The following SLC39A10 variants were observed in gnomAD, a reference collection of about 807,000 sequenced individuals.
SLC39A10 encodes the protein zinc transporter ZIP10.
Under a neutral mutation model 65.1 loss-of-function variants are expected in SLC39A10, and 13 were observed. The observed-to-expected ratio is 0.20, with a 90% CI of 0.13 to 0.32. SLC39A10 has a LOEUF of 0.32. Ranked by LOEUF, SLC39A10 falls within the 10% of genes least tolerant of loss-of-function variation. The pLI is 1.00. For missense variants in SLC39A10, 831 were observed against 1,018.4 expected (o/e 0.82, Z 2.50); for synonymous variants, 321 against 342.2 (o/e 0.94, Z 0.68).
intron 6 of SLC39A10, 96 bp from the exon 7 acceptor site, chr2:195,716,541 A>G: frequency 1.1e-6 from 1 of 944,524 alleles, no homozygotes; most frequent in Non-Finnish European, 1.5e-6. Flanking sequence ...AAAGACATTC[A>G]CTTAAGAAAT....
At chr2:195,725,818 C>T (rs1025862394) in intron 8 of SLC39A10, among the ~76,000 whole-genome samples, 1 of 152,136 alleles carries the variant, frequency 6.6e-6, no homozygotes, top group Non-Finnish European at 1.5e-5. Context: ...ATGAGTCTTA[C>T]ATGCATTATT....
intron 5 of SLC39A10, 113 bp from the exon 6 acceptor site, chr2:195,713,320 A>G (rs1559045553): frequency 2.4e-5 from 20 of 838,822 alleles, no homozygotes; most frequent in Non-Finnish European, 3.0e-5. Context: ...AAAATAATTT[A>G]TATATAAAGT....
At chr2:195,663,617 A>T (rs1689503659) in intron 1 of SLC39A10, among the ~76,000 whole-genome samples, 1 of 152,108 alleles carries the variant, frequency 6.6e-6, no homozygotes, top group African/African-American at 2.4e-5. Context: ...AGAAAAGCAT[A>T]TCATATTTTC....
At chr2:195,615,262 A>C (rs191099895) in intron 2 of SLC39A10, among the ~76,000 whole-genome samples, 1 of 152,150 alleles carries the variant, frequency 6.6e-6, no homozygotes, top group African/African-American at 2.4e-5. Context: ...AGGCTTGGGA[A>C]TATGCATTTT....
rs369245702 is a variant in SLC39A10 at position 195,625,216 on chromosome 2, CAAAAAAAAA to C, written c.-12+18984_-12+18992del. On this transcript the variant is annotated intron_variant, in intron 2 of 2. Transcript: ENST00000458054. ...TGTGCGACAGAGGGACACTCTGTCT[CAAAAAAAAA>C]GAAAGAAAGAAAGAAAGAAAGATTT... Among the ~76,000 whole-genome samples, 29 of 108,636 alleles carry C rather than the reference CAAAAAAAAA, an allele frequency of 2.7e-4. No individual in the cohort carries two copies. In the East Asian group the frequency reaches 7.7e-3, roughly 29 times the overall value. The allele number at this position is 108,636 out of a possible 152,430, so 71.3% of individuals were successfully genotyped here.
intron 3 of SLC39A10, among the ~76,000 whole-genome samples, chr2:195,705,536 T>C (rs1347110552): frequency 6.6e-6 from 1 of 152,218 alleles, no homozygotes. Flanking sequence ...ATCTTTACTT[T>C]TCCTTGTTGT....
intron 3 of SLC39A10, among the ~76,000 whole-genome samples, chr2:195,687,696 G>A (rs1391902117): frequency 6.6e-6 from 1 of 152,070 alleles, no homozygotes; most frequent in Non-Finnish European, 1.5e-5. Flanking sequence ...CATTAAGAAA[G>A]GTTAACTTGT....
chr2:195,636,903 A>G (rs1039776976), intron 2 of SLC39A10, among the ~76,000 whole-genome samples: 4 of 152,180 alleles, frequency 2.6e-5, no homozygotes, highest in African/African-American at 9.7e-5. Flanking sequence ...TTTGAAGAGT[A>G]TAAAAGGGCC....
At chr2:195,628,309 C>T (rs1413933292) in intron 2 of SLC39A10, among the ~76,000 whole-genome samples, 1 of 152,188 alleles carries the variant, frequency 6.6e-6, no homozygotes, top group African/African-American at 2.4e-5. Flanking sequence ...TCTTTTGCTA[C>T]TTAATTTACT....
At chr2:195,662,375 C>G (rs535156055) in intron 1 of SLC39A10, among the ~76,000 whole-genome samples, 1 of 151,508 alleles carries the variant, frequency 6.6e-6, no homozygotes, top group African/African-American at 2.4e-5. Context: ...CTTGGGTCAT[C>G]CCCTTACCTC....
At chr2:195,661,949 T>C (rs1689418108) in intron 1 of SLC39A10, among the ~76,000 whole-genome samples, 1 of 152,254 alleles carries the variant, frequency 6.6e-6, no homozygotes, top group Admixed American at 6.5e-5. Context: ...TACTTATCCT[T>C]GTATTAATAT....
chr2:195,681,954 C>T (rs1362616677), intron 2 of SLC39A10, among the ~76,000 whole-genome samples: 1 of 152,086 alleles, frequency 6.6e-6, no homozygotes, highest in Non-Finnish European at 1.5e-5. Flanking sequence ...ATAAGGCCTA[C>T]TTACTCATGA....
chr2:195,646,091 G>A (rs972661761), intron 2 of SLC39A10, among the ~76,000 whole-genome samples: 4 of 151,940 alleles, frequency 2.6e-5, no homozygotes, highest in African/African-American at 2.4e-5. Flanking sequence ...GACTACAAGC[G>A]TGCACCACCA....
intron 1 of SLC39A10, among the ~76,000 whole-genome samples, chr2:195,669,553 A>G (rs1167035046): frequency 1.3e-5 from 2 of 152,256 alleles, no homozygotes; most frequent in African/African-American, 4.8e-5. Context: ...ACAATCTAAG[A>G]CAAAATATCT....
intron 3 of SLC39A10, among the ~76,000 whole-genome samples, chr2:195,696,842 G>A (rs893108550): frequency 6.6e-6 from 1 of 152,118 alleles, no homozygotes; most frequent in Non-Finnish European, 1.5e-5. Flanking sequence ...ATTATTAATT[G>A]TAAGGATATG....
chr2:195,679,173 T>G (rs1690210165), intron 1 of SLC39A10, among the ~76,000 whole-genome samples: 1 of 152,242 alleles, frequency 6.6e-6, no homozygotes, highest in Non-Finnish European at 1.5e-5. Context: ...TGGACAGTTC[T>G]GGACACTTTA....
intron 4 of SLC39A10, 92 bp from the exon 5 acceptor site, chr2:195,708,564 T>G: frequency 1.1e-6 from 1 of 950,494 alleles, no homozygotes. Flanking sequence ...ATTTTTTCTG[T>G]GTCATTTAGG....
intron 1 of SLC39A10, 135 bp from the exon 2 acceptor site, chr2:195,679,897 G>T: frequency 4.8e-6 from 3 of 621,506 alleles, no homozygotes; most frequent in South Asian, 3.2e-5. Context: ...CTTTTCTCTG[G>T]TTCTTAACAT....
intron 2 of SLC39A10, among the ~76,000 whole-genome samples, chr2:195,640,613 T>G (rs547203127): frequency 6.6e-6 from 1 of 152,308 alleles, no homozygotes; most frequent in East Asian, 1.9e-4. Context: ...AGAAAATGAT[T>G]TGATTTTAGG....
Sources: gnomAD v4.1 joint callset for allele counts (sites outside exome capture counted in the v4.1 genomes callset) on GRCh38, gnomAD v4.1.1 for gene constraint, MANE v1.5 for transcripts, NCBI Gene and HGNC (gene_info 2026-07-23, HGNC 2026-07-21) for gene names.